BANK1: variants seen among roughly 807,000 people sequenced by gnomAD.
The protein encoded by BANK1 is B-cell scaffold protein with ankyrin repeats.
A neutral mutation model predicts 94.5 loss-of-function variants in BANK1; 95 were observed. The observed-to-expected ratio is 1.00, with a 90% CI of 0.85 to 1.19. The LOEUF is 1.19. BANK1 is among the 50% of genes most tolerant of loss of function. BANK1 has a pLI of 0.00. For missense variants in BANK1, 987 were observed against 932.2 expected, an observed-to-expected ratio of 1.06 and a Z score of -0.77; for synonymous variants, 334 against 308.4, an observed-to-expected ratio of 1.08 and a Z score of -0.87.
At chr4:102,004,157 T>C (rs141505016) in intron 7 of BANK1, among the ~76,000 whole-genome samples, 1 of 152,270 alleles carries the variant, frequency 6.6e-6, no homozygotes, top group East Asian at 1.9e-4. Context: ...GCAGGAACTT[T>C]ATCATATTTT....
rs1352698387 is a variant in BANK1 at position 101,918,104 on chromosome 4, T to A, written c.1121T>A (p.Met374Lys). ...TCAGGAGCAACCTGGGCATCTAAGA[T>A]GAAAAATATGGAGGGTTCAGACCCC... The part of the protein sequence containing the change: ...QCSGATWASK[M>K]KNMEGSDPAH... The change falls in exon 7 of 17, where the codon ATG becomes AAG. Residue 374 changes from methionine (M) to lysine (K), a missense_variant. By Grantham distance (95) the Met-to-Lys change is moderately conservative. Transcript: ENST00000322953. The A allele has an allele frequency of 1.9e-6, 3 of 1,612,326 alleles. No individual in the cohort carries two copies. In the South Asian group the frequency reaches 3.3e-5, roughly 18 times the overall value.
rs193294646 is a variant in BANK1, at chr4:101,986,169, C to T, written c.1207-35345C>T. Among the ~76,000 whole-genome samples the T allele has an allele frequency of 2.9e-3, 448 of 152,184 alleles. 12 individuals carry two copies. Among genetic ancestry groups the T allele is most frequent in the Admixed American group, 0.027 (413 of 15,262 alleles). On this transcript the variant is annotated intron_variant, in intron 7 of 16. Coordinates refer to ENST00000322953, the MANE Select transcript of BANK1 (RefSeq NM_017935.5). Reference sequence around the variant, plus strand: ...TAAGGGCTAATGTATGTGAGAAAGGCACCAATAAATGTGCATATAAAGTGC... The same window carrying T: ...TAAGGGCTAATGTATGTGAGAAAGGTACCAATAAATGTGCATATAAAGTGC...
At chr4:101,993,622 T>A (rs1228752991) in intron 7 of BANK1, among the ~76,000 whole-genome samples, 2 of 152,200 alleles carry the variant, frequency 1.3e-5, no homozygotes, top group Non-Finnish European at 2.9e-5. Flanking sequence ...GGTATGATAT[T>A]TTATTATCTC....
chr4:101,891,531 A>G (rs1367229219), intron 5 of BANK1, among the ~76,000 whole-genome samples: 1 of 152,032 alleles, frequency 6.6e-6, no homozygotes, highest in Non-Finnish European at 1.5e-5. Flanking sequence ...GCCTCTTGCC[A>G]AATTCAGGAA....
chr4:101,978,959 T>C (rs1300497507), intron 7 of BANK1, among the ~76,000 whole-genome samples: 1 of 152,192 alleles, frequency 6.6e-6, no homozygotes, highest in East Asian at 1.9e-4. Context: ...TAGATGTCAT[T>C]TGCCAAAGAG....
At chr4:101,845,075 G>T (rs1045193127) in intron 2 of BANK1, among the ~76,000 whole-genome samples, 6 of 151,958 alleles carry the variant, frequency 3.9e-5, no homozygotes, top group Admixed American at 6.6e-5. Context: ...TATTTAGAAG[G>T]TTGCTTTATA....
rs1724950109 is a variant in BANK1 at position 101,790,828 on chromosome 4, A to G, written c.-53A>G. ...GGGGAGTCTCTGGCCGGGAGAGTCCAGGTAGCGCTCGGCGGGCAGCAGTGC... is the reference window on the plus strand; with the variant it reads ...GGGGAGTCTCTGGCCGGGAGAGTCCGGGTAGCGCTCGGCGGGCAGCAGTGC... On this transcript the variant is annotated 5_prime_UTR_variant, in exon 1 of 17. Coordinates refer to ENST00000322953, the MANE Select transcript of BANK1 (RefSeq NM_017935.5). The G allele has an allele frequency of 4.6e-6, 7 of 1,510,564 alleles. 1 individual carries two copies. The South Asian group carries it at 4.8e-5, about 10-fold the overall frequency. The allele number at this position is 1,510,564 out of a possible 1,614,324, so 93.6% of individuals were successfully genotyped here.
At chr4:101,952,935 G>A (rs1349913927) in intron 7 of BANK1, among the ~76,000 whole-genome samples, 7 of 151,852 alleles carry the variant, frequency 4.6e-5, no homozygotes, top group Non-Finnish European at 5.9e-5. Context: ...TTTTTCTGTC[G>A]TAATAACCAA....
intron 7 of BANK1, among the ~76,000 whole-genome samples, chr4:101,978,028 A>G (rs1359313850): frequency 1.3e-5 from 2 of 151,950 alleles, no homozygotes; most frequent in South Asian, 2.1e-4. Context: ...CAATGGTGCA[A>G]TCTTGGCTCA....
At chr4:101,804,922 T>A (rs1725503496) in intron 1 of BANK1, among the ~76,000 whole-genome samples, 1 of 152,158 alleles carries the variant, frequency 6.6e-6, no homozygotes, top group Non-Finnish European at 1.5e-5. Context: ...AAGCATCAAT[T>A]GTGTAAGAAT....
intron 7 of BANK1, among the ~76,000 whole-genome samples, chr4:101,942,929 G>A (rs1005739627): frequency 6.6e-6 from 1 of 151,800 alleles, no homozygotes; most frequent in African/African-American, 2.4e-5. Flanking sequence ...ATGATAATCT[G>A]GTATGATTGT....
intron 1 of BANK1, among the ~76,000 whole-genome samples, chr4:101,791,630 TA>T: frequency 6.6e-6 from 1 of 152,364 alleles, no homozygotes; most frequent in East Asian, 1.9e-4. Flanking sequence ...AAATGTTTTT[TA>T]AATTAAAAAA....
intron 10 of BANK1, among the ~76,000 whole-genome samples, chr4:102,033,666 A>G (rs141195161): frequency 2.6e-5 from 4 of 152,234 alleles, no homozygotes; most frequent in African/African-American, 9.6e-5. Context: ...ACCCTTCAAT[A>G]TTTATAAGTT....
At chr4:101,881,872 A>C (rs1728688476) in intron 5 of BANK1, among the ~76,000 whole-genome samples, 1 of 152,012 alleles carries the variant, frequency 6.6e-6, no homozygotes, top group African/African-American at 2.4e-5. Context: ...TAGTCAAAAC[A>C]ATTGAACTCA....
chr4:101,801,025 G>A (rs34499378), intron 1 of BANK1, among the ~76,000 whole-genome samples: 40,794 of 151,974 alleles, frequency 0.27, 5,780 homozygotes, highest in Non-Finnish European at 0.32. Context: ...CCCAAGGTGC[G>A]GATGTTTCTG....
At chr4:101,835,583 A>G (rs1726793822) in intron 2 of BANK1, among the ~76,000 whole-genome samples, 1 of 152,240 alleles carries the variant, frequency 6.6e-6, no homozygotes, top group African/African-American at 2.4e-5. Context: ...ATAGTAATGT[A>G]ACAGTAGAAT....
intron 12 of BANK1, chr4:102,061,499 G>A (rs1728416543): frequency 6.6e-6 from 1 of 152,184 alleles, no homozygotes; most frequent in African/African-American, 2.4e-5. Flanking sequence ...TTACAATATT[G>A]CTTCTCAATC....
chr4:102,026,354 A>G (rs1323177515), intron 9 of BANK1, among the ~76,000 whole-genome samples: 1 of 151,314 alleles, frequency 6.6e-6, no homozygotes, highest in African/African-American at 2.5e-5. Context: ...TGTTCTTAAG[A>G]AGACAATTTA....
rs6148602 is a variant in BANK1 at position 101,950,018 on chromosome 4, G to GGTGTGTGT, written c.1206+31865_1206+31872dup. On this transcript the variant is annotated intron_variant, in intron 7 of 16. Coordinates refer to ENST00000322953, the MANE Select transcript of BANK1 (RefSeq NM_017935.5). ...CTACATTTAGTTTAAGGAAGTAAGG[G>GGTGTGTGT]GTGTGTGTGTGTGTGTGTGTGTGTG... Among the ~76,000 whole-genome samples the GGTGTGTGT allele has an allele frequency of 3.9e-3, 577 of 149,376 alleles. 5 individuals are homozygous for GGTGTGTGT. The highest frequency in any genetic ancestry group is 7.1e-3 in the Middle Eastern group (2 of 280).
Sources: gnomAD v4.1 joint callset for allele counts (sites outside exome capture counted in the v4.1 genomes callset) on GRCh38, gnomAD v4.1.1 for gene constraint, MANE v1.5 for transcripts, NCBI Gene and HGNC (gene_info 2026-07-23, HGNC 2026-07-21) for gene names.